Variants in NPAS3 observed in about 807,000 individuals in gnomAD.
The protein encoded by NPAS3 is neuronal PAS domain protein 3.
Under a neutral mutation model 73.1 loss-of-function variants are expected in NPAS3, and 14 were observed. That is an observed-to-expected ratio of 0.19 (90% confidence interval 0.13 to 0.30). The LOEUF is 0.30. NPAS3 is among the 10% of genes least tolerant of loss of function. The pLI is 1.00. For synonymous variants in NPAS3, 620 were observed against 541.5 expected, an observed-to-expected ratio of 1.14 and a Z score of -2.01; for missense variants, 1,096 against 1,250.0, an observed-to-expected ratio of 0.88 and a Z score of 1.86.
At chr14:33,196,182 G>A (rs2046343563) in intron 2 of NPAS3, among the ~76,000 whole-genome samples, 1 of 152,068 alleles carries the variant, frequency 6.6e-6, no homozygotes, top group South Asian at 2.1e-4. Context: ...TCCTTACATT[G>A]AATAGCCTCC....
At chr14:33,708,231 C>T (rs536169828) in intron 6 of NPAS3, among the ~76,000 whole-genome samples, 4 of 152,214 alleles carry the variant, frequency 2.6e-5, no homozygotes, top group East Asian at 3.9e-4. Context: ...GCGGTGTCCT[C>T]GGAAGAAACC....
At chr14:33,173,033 A>T (rs10047889) in intron 2 of NPAS3, among the ~76,000 whole-genome samples, 143,719 of 152,266 alleles carry the variant, frequency 0.94, 68,126 homozygotes, top group Non-Finnish European at 0.99. Flanking sequence ...CTTGTTTTTG[A>T]TTTTCTATAA....
At chr14:33,544,253 G>A (rs975321649) in intron 4 of NPAS3, among the ~76,000 whole-genome samples, 12 of 151,692 alleles carry the variant, frequency 7.9e-5, no homozygotes, top group Non-Finnish European at 7.4e-5. Context: ...AGCATTCCTC[G>A]TACCTTGGCC....
chr14:33,432,280 G>A (rs2048816821), intron 4 of NPAS3, among the ~76,000 whole-genome samples: 1 of 152,080 alleles, frequency 6.6e-6, no homozygotes, highest in African/African-American at 2.4e-5. Flanking sequence ...AAATGTTCCT[G>A]TGCATTTGGT....
chr14:33,605,118 A>G (rs1377248048), intron 5 of NPAS3, among the ~76,000 whole-genome samples: 3 of 151,946 alleles, frequency 2.0e-5, no homozygotes, highest in Non-Finnish European at 4.4e-5. Context: ...AATAGAGAAA[A>G]GCAATGAAAT....
intron 2 of NPAS3, among the ~76,000 whole-genome samples, chr14:33,203,447 A>G (rs1471574732): frequency 1.3e-5 from 2 of 152,078 alleles, no homozygotes; most frequent in Admixed American, 6.6e-5. Flanking sequence ...CATGAGGTAT[A>G]TCTCCTAATG....
chr14:33,662,230 T>C (rs2059328393), intron 5 of NPAS3, among the ~76,000 whole-genome samples: 1 of 152,192 alleles, frequency 6.6e-6, no homozygotes, highest in African/African-American at 2.4e-5. Flanking sequence ...GGTTAGTAGA[T>C]CACACAGGTT....
At chr14:33,217,454 A>AT (rs1276284582) in intron 3 of NPAS3, among the ~76,000 whole-genome samples, 1 of 152,208 alleles carries the variant, frequency 6.6e-6, no homozygotes, top group Non-Finnish European at 1.5e-5. Context: ...AGATGAAAGG[A>AT]TGAGGGTAAC....
intron 2 of NPAS3, among the ~76,000 whole-genome samples, chr14:33,144,246 T>C (rs772787193): frequency 1.3e-5 from 2 of 152,206 alleles, no homozygotes; most frequent in Non-Finnish European, 2.9e-5. Context: ...AAAAAACTTA[T>C]AGCTATCCTA....
chr14:33,208,088 T>C (rs2046897369), intron 2 of NPAS3, among the ~76,000 whole-genome samples: 1 of 140,062 alleles, frequency 7.1e-6, no homozygotes, highest in African/African-American at 2.7e-5. Flanking sequence ...GGAAAGAAAT[T>C]ACTTGATAAA....
chr14:33,669,651 A>G (rs1276772646), intron 5 of NPAS3, among the ~76,000 whole-genome samples: 1 of 152,188 alleles, frequency 6.6e-6, no homozygotes, highest in African/African-American at 2.4e-5. Flanking sequence ...GACCTGTTTT[A>G]TACACACGCT....
intron 2 of NPAS3, among the ~76,000 whole-genome samples, chr14:33,211,262 C>A (rs1289548369): frequency 6.6e-6 from 1 of 152,178 alleles, no homozygotes; most frequent in Non-Finnish European, 1.5e-5. Flanking sequence ...GCTAGCTTCA[C>A]AATCCATTCT....
chr14:33,749,909 G>C (rs376692611), intron 7 of NPAS3, among the ~76,000 whole-genome samples: 11 of 152,110 alleles, frequency 7.2e-5, no homozygotes, highest in African/African-American at 2.7e-4. Flanking sequence ...TCCTCTTCTT[G>C]GGGAAAACAT....
At chr14:33,209,854 G>C (rs148449449) in intron 2 of NPAS3, among the ~76,000 whole-genome samples, 1 of 152,144 alleles carries the variant, frequency 6.6e-6, no homozygotes, top group Admixed American at 6.6e-5. Flanking sequence ...AAAAGTTTAC[G>C]TGAAGGTGTT....
chr14:33,358,908 G>A (rs1251826010), intron 3 of NPAS3, among the ~76,000 whole-genome samples: 1 of 152,220 alleles, frequency 6.6e-6, no homozygotes, highest in African/African-American at 2.4e-5. Flanking sequence ...ATGAATAAAT[G>A]TAATTCCATA....
At chr14:33,424,054 C>T (rs1164372552) in intron 4 of NPAS3, among the ~76,000 whole-genome samples, 1 of 151,998 alleles carries the variant, frequency 6.6e-6, no homozygotes, top group Non-Finnish European at 1.5e-5. Flanking sequence ...AACAATCACA[C>T]ATGAAAACAA....
At chr14:33,573,035 A>T (rs1418335236) in intron 5 of NPAS3, among the ~76,000 whole-genome samples, 2 of 151,874 alleles carry the variant, frequency 1.3e-5, no homozygotes, top group African/African-American at 4.8e-5. Context: ...AAAAAAAAAA[A>T]AAAAAAAAGT....
intron 3 of NPAS3, among the ~76,000 whole-genome samples, chr14:33,252,249 A>G (rs1000089669): frequency 6.6e-6 from 1 of 152,006 alleles, no homozygotes; most frequent in African/African-American, 2.4e-5. Flanking sequence ...CTGCATTTCT[A>G]AGATACCCAA....
Position 33,248,507 on chromosome 14 carries a change from A to G in NPAS3, c.385+33081A>G, listed in dbSNP as rs2048468427. 2.1e-5 allele frequency among the ~76,000 whole-genome samples: 3 copies of G among 144,038 alleles called. No individual in the cohort carries two copies. In the South Asian group the frequency reaches 6.9e-4, roughly 33 times the overall value. 94.5% of individuals were successfully genotyped at this position (144,038 alleles called of 152,430 possible). On this transcript the variant is annotated intron_variant, in intron 3 of 11. Transcript: ENST00000356141. ...ATGGTTAAAGTATGAGTGTAAAAAT[A>G]GTAGATTTTTTAATGCTTTTGTATA... is the stretch of plus-strand genomic sequence containing the variant.
Sources: allele counts gnomAD v4.1 joint callset (sites outside exome capture counted in the v4.1 genomes callset), GRCh38; gene constraint gnomAD v4.1.1; transcripts MANE v1.5; gene names NCBI Gene and HGNC (gene_info 2026-07-23, HGNC 2026-07-21).